The following ESR2 variants were observed in gnomAD, a reference collection of about 807,000 sequenced individuals.
The protein encoded by ESR2 is estrogen receptor 2.
ESR2 carries 36 observed loss-of-function variants against 49.6 expected under a neutral mutation model. The observed-to-expected ratio is 0.73, with a 90% CI of 0.56 to 0.96. The LOEUF is 0.96. Ranked by LOEUF, ESR2 falls within the 40% of genes least tolerant of loss-of-function variation. ESR2 has a pLI of 0.00. For missense variants in ESR2, 714 were observed against 693.0 expected, an observed-to-expected ratio of 1.03 and a Z score of -0.34; for synonymous variants, 320 against 266.1, an observed-to-expected ratio of 1.20 and a Z score of -1.97.
At chr14:64,235,749 G>C (rs766992433) in intron 7 of ESR2, among the ~76,000 whole-genome samples, 1 of 152,100 alleles carries the variant, frequency 6.6e-6, no homozygotes, top group Non-Finnish European at 1.5e-5. Flanking sequence ...GGAGCTCTCT[G>C]AGCCTCAGTT....
At chr14:64,253,089 C>G (rs2076022786) in intron 6 of ESR2, among the ~76,000 whole-genome samples, 1 of 152,172 alleles carries the variant, frequency 6.6e-6, no homozygotes, top group Non-Finnish European at 1.5e-5. Context: ...CTCCTGACCT[C>G]AAGTGATCCA....
intron 3 of ESR2, among the ~76,000 whole-genome samples, chr14:64,275,117 T>C (rs1453423451): frequency 6.6e-6 from 1 of 152,180 alleles, no homozygotes; most frequent in African/African-American, 2.4e-5. Flanking sequence ...GTCCATTTGG[T>C]CTTTAGTGCA....
Position 64,229,150 on chromosome 14 carries a change from T to A in ESR2, c.*3987A>T, listed in dbSNP as rs1323499435. ...ACAGATTATGCATCTTATTTTTCCA[T>A]CTGTCATTGCTGCTGTTGTGTAAAG... is the stretch of plus-strand genomic sequence containing the variant. On this transcript the variant is annotated 3_prime_UTR_variant, in exon 9 of 9. Transcript: ENST00000341099. Among the ~76,000 whole-genome samples, 1 of 152,138 alleles carries A rather than the reference T, an allele frequency of 6.6e-6. No individual in the cohort carries two copies. The highest frequency in any genetic ancestry group is 1.5e-5 in the Non-Finnish European group (1 of 68,008).
chr14:64,319,221 A>C (rs1205316576), intron 1 of ESR2, among the ~76,000 whole-genome samples: 1 of 152,222 alleles, frequency 6.6e-6, no homozygotes, highest in African/African-American at 2.4e-5. Flanking sequence ...ACATATCCAC[A>C]TTAACAAAAA....
chr14:64,237,206 T>C (rs1365722601), intron 7 of ESR2, among the ~76,000 whole-genome samples: 1 of 152,142 alleles, frequency 6.6e-6, no homozygotes, highest in Non-Finnish European at 1.5e-5. Flanking sequence ...GCAATCCGCC[T>C]GCCTCAGCCT....
At chr14:64,327,889 A>G (rs999782766) in intron 1 of ESR2, among the ~76,000 whole-genome samples, 2 of 151,168 alleles carry the variant, frequency 1.3e-5, no homozygotes, top group Admixed American at 6.6e-5. Flanking sequence ...AAATAAATAA[A>G]AACAAAATAT....
At chr14:64,236,216 T>A (rs2075595544) in intron 7 of ESR2, among the ~76,000 whole-genome samples, 1 of 152,218 alleles carries the variant, frequency 6.6e-6, no homozygotes, top group South Asian at 2.1e-4. Flanking sequence ...TACGTAAGTG[T>A]AGTGCTTTGC....
chr14:64,253,600 G>GTATATGTA (rs1371940883), intron 6 of ESR2, among the ~76,000 whole-genome samples: 9 of 124,870 alleles, frequency 7.2e-5, no homozygotes, highest in African/African-American at 2.8e-4. Context: ...GTGTGTGTGT[G>GTATATGTA]TGTGTATGTA....
chr14:64,233,259 G>A lies in ESR2; in HGVS notation c.1471C>T (p.Leu491=). 1 of 1,614,208 alleles carries A rather than the reference G, an allele frequency of 6.2e-7. No individual in the cohort carries two copies. Among genetic ancestry groups the A allele is most frequent in the Non-Finnish European group, 8.5e-7 (1 of 1,180,028 alleles). ...CKNVVPVYDL[L]LEMLNAHVLR... ...ACGTGGGCATTCAGCATCTCCAGCA[G>A]CAGGTCATACACTGGGACCACATTT... The change falls in exon 9 of 9, where the codon CTG becomes TTG. Residue 491 remains leucine (L), a synonymous_variant. Transcript: ENST00000341099.
chr14:64,302,151 A>ATTT (rs1384991092), intron 1 of ESR2, among the ~76,000 whole-genome samples: 10 of 135,108 alleles, frequency 7.4e-5, no homozygotes, highest in African/African-American at 2.8e-4. Context: ...TCACTTTTTT[A>ATTT]TTTTTTATTT....
chr14:64,306,674 A>G (rs3020449), intron 1 of ESR2, among the ~76,000 whole-genome samples: 78,583 of 152,078 alleles, frequency 0.52, 22,481 homozygotes, highest in African/African-American at 0.78. Flanking sequence ...TTGTTAGGTT[A>G]GATTTGCTAA....
intron 1 of ESR2, among the ~76,000 whole-genome samples, chr14:64,299,970 G>A (rs930656997): frequency 2.0e-5 from 3 of 152,066 alleles, no homozygotes; most frequent in African/African-American, 7.2e-5. Context: ...AGGCAGTTTA[G>A]CTAACTAGCT....
intron 7 of ESR2, among the ~76,000 whole-genome samples, chr14:64,247,617 A>C (rs1420885854): frequency 2.6e-5 from 4 of 152,226 alleles, no homozygotes; most frequent in African/African-American, 7.2e-5. Flanking sequence ...TCTTCAGGTG[A>C]ACATTAAAAC....
At chr14:64,326,573 T>C (rs1596497090) in intron 1 of ESR2, among the ~76,000 whole-genome samples, 1 of 152,204 alleles carries the variant, frequency 6.6e-6, no homozygotes, top group East Asian at 1.9e-4. Flanking sequence ...CTCAATGACA[T>C]GTTGGTATCA....
At chr14:64,279,694 A>G (rs1303359442) in intron 3 of ESR2, among the ~76,000 whole-genome samples, 1 of 152,248 alleles carries the variant, frequency 6.6e-6, no homozygotes, top group East Asian at 1.9e-4. Flanking sequence ...TCCAAGAGAC[A>G]TCTTCACAAG....
chr14:64,260,837 G>A (rs1232089130), intron 4 of ESR2, 89 bp from the exon 5 acceptor site: 10 of 1,231,590 alleles, frequency 8.1e-6, no homozygotes, highest in Non-Finnish European at 1.1e-5. Flanking sequence ...GGAGCCTGTG[G>A]GGCACGTACC....
At chr14:64,313,796 A>C (rs1306221117) in intron 1 of ESR2, among the ~76,000 whole-genome samples, 1 of 150,334 alleles carries the variant, frequency 6.7e-6, no homozygotes, top group Admixed American at 6.6e-5. Context: ...GGAGAATGGC[A>C]TGAACCCAGG....
At chr14:64,281,049 T>C (rs1478834218) in intron 2 of ESR2, among the ~76,000 whole-genome samples, 1 of 151,216 alleles carries the variant, frequency 6.6e-6, no homozygotes, top group African/African-American at 2.4e-5. Flanking sequence ...GAATAACAAA[T>C]GGACTTTAAG....
chr14:64,318,108 T>C (rs1298523375), intron 1 of ESR2, among the ~76,000 whole-genome samples: 2 of 152,190 alleles, frequency 1.3e-5, no homozygotes, highest in Non-Finnish European at 2.9e-5. Flanking sequence ...TCCCAAAGAA[T>C]TGACTTTTAA....
Sources: allele counts gnomAD v4.1 joint callset (sites outside exome capture counted in the v4.1 genomes callset), GRCh38; gene constraint gnomAD v4.1.1; transcripts MANE v1.5; gene names NCBI Gene and HGNC (gene_info 2026-07-23, HGNC 2026-07-21).